Variants in AFAP1 observed in about 807,000 individuals in gnomAD.
AFAP1 encodes the protein actin filament-associated protein 1.
A neutral mutation model predicts 93.9 loss-of-function variants in AFAP1; 75 were observed. The ratio of observed to expected loss-of-function variants is 0.80; its 90% CI spans 0.66 to 0.97. The LOEUF (loss-of-function observed/expected upper bound fraction) is 0.97, where lower values mean the gene tolerates loss of function less well. Among genes scored for constraint, AFAP1 ranks in the 50% least tolerant of loss-of-function variants. AFAP1 has a pLI of 0.00. For synonymous variants in AFAP1, 517 were observed against 430.7 expected (o/e 1.20, Z -2.48); for missense variants, 1,201 against 1,050.8 (o/e 1.14, Z -1.98).
intron 6 of AFAP1, among the ~76,000 whole-genome samples, chr4:7,837,766 C>A (rs1340059506): frequency 6.6e-6 from 1 of 152,172 alleles, no homozygotes; most frequent in East Asian, 1.9e-4. Context: ...CACTTGTAAT[C>A]CCAGCACTTT....
chr4:7,854,605 G>C (rs1384055952), intron 4 of AFAP1, among the ~76,000 whole-genome samples: 1 of 152,248 alleles, frequency 6.6e-6, no homozygotes, highest in African/African-American at 2.4e-5. Flanking sequence ...GGGAAAGGGA[G>C]AGCATTTTCC....
chr4:7,877,725 A>T (rs531422444), intron 1 of AFAP1, among the ~76,000 whole-genome samples: 2 of 152,356 alleles, frequency 1.3e-5, no homozygotes, highest in African/African-American at 4.8e-5. Flanking sequence ...GTTTTCAGAG[A>T]TAACCCTAGT....
intron 1 of AFAP1, among the ~76,000 whole-genome samples, chr4:7,908,367 G>A (rs546864149): frequency 1.6e-4 from 24 of 152,334 alleles, no homozygotes; most frequent in African/African-American, 5.8e-4. Context: ...TAGGCTTCCT[G>A]TGCATGAGGC....
chr4:7,809,783 C>CA lies in AFAP1; in HGVS notation c.905-21dup. 6.3e-7 allele frequency: 1 copy of CA among 1,584,966 alleles called. No homozygotes were observed. Among genetic ancestry groups the CA allele is most frequent in the Non-Finnish European group, 8.6e-7 (1 of 1,169,388 alleles). On this transcript the variant is annotated intron_variant, in intron 8 of 17. Transcript: ENST00000420658. ...TCTTCACTGTCAAGAGTAACAACAGCAAAAAAGCATGTTTTAATTGTAGAT... is the reference window on the plus strand; with the variant it reads ...TCTTCACTGTCAAGAGTAACAACAGCAAAAAAAGCATGTTTTAATTGTAGAT...
chr4:7,860,076 G>A (rs1242646804), intron 3 of AFAP1, among the ~76,000 whole-genome samples: 1 of 152,094 alleles, frequency 6.6e-6, no homozygotes, highest in African/African-American at 2.4e-5. Flanking sequence ...CCGGGAAGTC[G>A]AGGCTGCAGT....
chr4:7,904,094 A>C (rs1227448391), intron 1 of AFAP1, among the ~76,000 whole-genome samples: 1 of 152,078 alleles, frequency 6.6e-6, no homozygotes, highest in African/African-American at 2.4e-5. Context: ...ACAGGCTTCC[A>C]TGTCTTTTCT....
chr4:7,781,099 T>C (rs1025007420), intron 13 of AFAP1, among the ~76,000 whole-genome samples: 3 of 152,236 alleles, frequency 2.0e-5, no homozygotes, highest in Non-Finnish European at 2.9e-5. Flanking sequence ...CTGCCTTTAG[T>C]TGACATAATT....
chr4:7,814,767 G>T (rs1040608802), intron 8 of AFAP1, among the ~76,000 whole-genome samples: 1 of 152,354 alleles, frequency 6.6e-6, no homozygotes, highest in African/African-American at 2.4e-5. Flanking sequence ...GAGGCAGACG[G>T]GGGAGAAAGA....
At chr4:7,899,881 T>TAAATAAATAAATAAATAAATAAAA (rs1282881019) in intron 1 of AFAP1, among the ~76,000 whole-genome samples, 76 of 151,696 alleles carry the variant, frequency 5.0e-4, no homozygotes, top group African/African-American at 1.6e-3. Flanking sequence ...AATAAATAAA[T>TAAATAAATAAATAAATAAATAAAA]AAAAAAGGAA....
chr4:7,898,708 C>T (rs1219941512), intron 1 of AFAP1, among the ~76,000 whole-genome samples: 1 of 151,018 alleles, frequency 6.6e-6, no homozygotes, highest in Non-Finnish European at 1.5e-5. Context: ...CCTGTCTTTC[C>T]CCTGGCAACT....
chr4:7,833,148 T>C (rs1253321425), intron 6 of AFAP1, among the ~76,000 whole-genome samples: 1 of 152,184 alleles, frequency 6.6e-6, no homozygotes, highest in Non-Finnish European at 1.5e-5. Context: ...CAAAGTTAAA[T>C]AGCTGGGACT....
At chr4:7,863,504 A>G (rs1191486605) in intron 3 of AFAP1, among the ~76,000 whole-genome samples, 2 of 152,258 alleles carry the variant, frequency 1.3e-5, no homozygotes, top group Non-Finnish European at 2.9e-5. Flanking sequence ...TGCATATTTT[A>G]GCCTATCCGA....
At chr4:7,898,864 A>C (rs1718950446) in intron 1 of AFAP1, among the ~76,000 whole-genome samples, 1 of 148,726 alleles carries the variant, frequency 6.7e-6, no homozygotes, top group African/African-American at 2.5e-5. Context: ...GTATGTGTAT[A>C]TATATGTGTG....
chr4:7,826,489 C>A (rs1007462652), intron 6 of AFAP1, among the ~76,000 whole-genome samples: 1 of 152,212 alleles, frequency 6.6e-6, no homozygotes, highest in South Asian at 2.1e-4. Flanking sequence ...AAGCCAGAGG[C>A]AAGACTGCAG....
intron 7 of AFAP1, among the ~76,000 whole-genome samples, chr4:7,818,179 T>C (rs1720651525): frequency 6.6e-6 from 1 of 152,156 alleles, no homozygotes; most frequent in Non-Finnish European, 1.5e-5. Flanking sequence ...AACACTGTCC[T>C]CCCTGAGCCA....
At chr4:7,826,303 C>T (rs530404051) in intron 6 of AFAP1, among the ~76,000 whole-genome samples, 1 of 152,170 alleles carries the variant, frequency 6.6e-6, no homozygotes. Flanking sequence ...TTTGGAGAGT[C>T]CCCACCCCAC....
intron 6 of AFAP1, among the ~76,000 whole-genome samples, chr4:7,820,309 G>A (rs1309907490): frequency 6.6e-6 from 1 of 152,180 alleles, no homozygotes; most frequent in Non-Finnish European, 1.5e-5. Context: ...GTGGAGAGAA[G>A]CCAGTTTGAA....
At chr4:7,898,439 C>CCT (rs1210240466) in intron 1 of AFAP1, among the ~76,000 whole-genome samples, 6 of 151,756 alleles carry the variant, frequency 4.0e-5, no homozygotes, top group Admixed American at 6.6e-5. Context: ...TCCCAACCCA[C>CCT]CTCTCTCCTT....
chr4:7,854,999 CA>C (rs1714886839), intron 4 of AFAP1, among the ~76,000 whole-genome samples: 3 of 152,014 alleles, frequency 2.0e-5, no homozygotes, highest in Non-Finnish European at 4.4e-5. Flanking sequence ...CCTGTACCCC[CA>C]AAAAAGAAAA....
Sources: allele counts gnomAD v4.1 joint callset (sites outside exome capture counted in the v4.1 genomes callset), GRCh38; gene constraint gnomAD v4.1.1; transcripts MANE v1.5; gene names NCBI Gene and HGNC (gene_info 2026-07-23, HGNC 2026-07-21).